Variants in CDH12 observed in about 807,000 individuals in gnomAD.
The protein encoded by CDH12 is cadherin 12.
In CDH12, 41 loss-of-function variants were observed where a neutral mutation model predicts 74.1. The observed-to-expected ratio is 0.55, with a 90% confidence interval of 0.43 to 0.72. The LOEUF (loss-of-function observed/expected upper bound fraction) is 0.72. Among genes scored for constraint, CDH12 ranks in the 30% least tolerant of loss-of-function variants. CDH12 has a pLI of 0.00. For missense variants in CDH12, 945 were observed against 977.2 expected, an observed-to-expected ratio of 0.97 and a Z score of 0.44; for synonymous variants, 399 against 355.0, an observed-to-expected ratio of 1.12 and a Z score of -1.39.
chr5:22,298,985 T>TAGAC (rs1354376091), intron 3 of CDH12, among the ~76,000 whole-genome samples: 1 of 152,236 alleles, frequency 6.6e-6, no homozygotes, highest in African/African-American at 2.4e-5. Flanking sequence ...TACTATAATC[T>TAGAC]AGACACTGTT....
rs529650421 is a variant in CDH12 at position 22,044,567 on chromosome 5, A to G, written c.231+33879T>C. ...CCCCCCATCAGGTCCATCCCTCAAC[A>G]TGTGGGGATTACAATTTGTAATGAG... On this transcript the variant is annotated intron_variant, in intron 5 of 14. Coordinates refer to ENST00000382254, the MANE Select transcript of CDH12 (RefSeq NM_004061.5). 1.5e-3 allele frequency among the ~76,000 whole-genome samples: 233 copies of G among 152,266 alleles called. 1 individual carries two copies. The highest frequency in any genetic ancestry group is 2.6e-3 in the Non-Finnish European group (176 of 68,008).
intron 3 of CDH12, among the ~76,000 whole-genome samples, chr5:22,321,898 T>C (rs867291818): frequency 9.2e-5 from 14 of 152,300 alleles, no homozygotes; most frequent in African/African-American, 2.9e-4. Context: ...AGAGGTAATT[T>C]ATGAGAGTAA....
At chr5:22,095,053 C>T (rs951841633) in intron 4 of CDH12, among the ~76,000 whole-genome samples, 4 of 152,174 alleles carry the variant, frequency 2.6e-5, no homozygotes, top group African/African-American at 9.6e-5. Flanking sequence ...TTCACACGGA[C>T]ATACATGAAA....
At chr5:22,562,217 T>A (rs1418758803) in intron 1 of CDH12, among the ~76,000 whole-genome samples, 2 of 151,718 alleles carry the variant, frequency 1.3e-5, no homozygotes, top group African/African-American at 4.8e-5. Context: ...CTTGGGAGGC[T>A]GAGGCAGGAG....
intron 4 of CDH12, among the ~76,000 whole-genome samples, chr5:22,097,771 T>C (rs1385784351): frequency 6.6e-6 from 1 of 152,048 alleles, no homozygotes; most frequent in Non-Finnish European, 1.5e-5. Context: ...CGACCGATCA[T>C]GTACCCCTTT....
intron 6 of CDH12, among the ~76,000 whole-genome samples, chr5:21,880,773 A>C (rs1247686004): frequency 2.0e-5 from 3 of 150,726 alleles, no homozygotes; most frequent in Non-Finnish European, 2.9e-5. Context: ...TGTGACGTCT[A>C]ATAGAAAGTA....
At chr5:22,244,812 G>C (rs1302830354) in intron 3 of CDH12, among the ~76,000 whole-genome samples, 2 of 148,136 alleles carry the variant, frequency 1.4e-5, no homozygotes, top group Non-Finnish European at 3.0e-5. Context: ...AAAATTCAAA[G>C]TAGGAGTGGG....
chr5:22,701,980 A>T (rs2126960683), intron 1 of CDH12, among the ~76,000 whole-genome samples: 1 of 152,262 alleles, frequency 6.6e-6, no homozygotes, highest in Non-Finnish European at 1.5e-5. Flanking sequence ...TTGATATAAC[A>T]AAAATTTATT....
At chr5:22,465,102 T>C (rs548706107) in intron 2 of CDH12, among the ~76,000 whole-genome samples, 31 of 152,140 alleles carry the variant, frequency 2.0e-4, no homozygotes, top group Middle Eastern at 3.4e-3. Flanking sequence ...AAAACATCTC[T>C]CTAGTTCTAA....
chr5:22,487,675 G>T (rs575596515), intron 2 of CDH12, among the ~76,000 whole-genome samples: 2 of 152,148 alleles, frequency 1.3e-5, no homozygotes, highest in Non-Finnish European at 2.9e-5. Flanking sequence ...AATATTCATT[G>T]CTCATTGACT....
At chr5:22,499,676 C>T (rs565912919) in intron 2 of CDH12, among the ~76,000 whole-genome samples, 198 of 152,232 alleles carry the variant, frequency 1.3e-3, no homozygotes, top group African/African-American at 4.5e-3. Flanking sequence ...GATGGTTATT[C>T]GTCCCTAGTA....
intron 1 of CDH12, among the ~76,000 whole-genome samples, chr5:22,839,964 C>A (rs865881399): frequency 1.3e-5 from 2 of 152,074 alleles, no homozygotes; most frequent in Non-Finnish European, 2.9e-5. Context: ...TTGTCAAGTG[C>A]GATTGAAACC....
chr5:22,743,260 T>TTATATATATATATA (rs71609778), intron 1 of CDH12, among the ~76,000 whole-genome samples: 1 of 90,422 alleles, frequency 1.1e-5, no homozygotes, highest in Non-Finnish European at 2.3e-5. Context: ...AGCATGGAGA[T>TTATATATATATATA]TATATATATA....
chr5:22,551,335 A>T (rs1056083757), intron 1 of CDH12, among the ~76,000 whole-genome samples: 15 of 152,172 alleles, frequency 9.9e-5, no homozygotes, highest in Non-Finnish European at 1.9e-4. Flanking sequence ...CTGAAAGAAA[A>T]CAAATGTCTG....
At chr5:22,682,657 T>TA (rs1265457909) in intron 1 of CDH12, among the ~76,000 whole-genome samples, 1 of 152,056 alleles carries the variant, frequency 6.6e-6, no homozygotes, top group East Asian at 1.9e-4. Context: ...AGCAGTCCTC[T>TA]AAAACCCTAA....
intron 11 of CDH12, among the ~76,000 whole-genome samples, chr5:21,771,756 G>A (rs1375616023): frequency 2.0e-5 from 3 of 152,076 alleles, no homozygotes; most frequent in African/African-American, 4.8e-5. Flanking sequence ...GAAAGAAAAC[G>A]ATGTACAGAA....
chr5:22,224,948 C>T (rs886326541), intron 3 of CDH12, among the ~76,000 whole-genome samples: 25 of 151,764 alleles, frequency 1.6e-4, no homozygotes, highest in African/African-American at 5.8e-4. Context: ...GTGTTTATTT[C>T]AGTTAAAAAC....
At chr5:22,634,204 T>C (rs1426282889) in intron 1 of CDH12, among the ~76,000 whole-genome samples, 1 of 152,124 alleles carries the variant, frequency 6.6e-6, no homozygotes, top group Non-Finnish European at 1.5e-5. Flanking sequence ...AAATATAGAC[T>C]ATAGACTATA....
At chr5:22,211,219 C>G (rs1177262339) in intron 4 of CDH12, among the ~76,000 whole-genome samples, 34 of 152,052 alleles carry the variant, frequency 2.2e-4, no homozygotes, top group Non-Finnish European at 4.4e-5. Flanking sequence ...TACGAGTGCT[C>G]ACTCTGAAAA....
Sources: allele counts gnomAD v4.1 joint callset (sites outside exome capture counted in the v4.1 genomes callset), GRCh38; gene constraint gnomAD v4.1.1; transcripts MANE v1.5; gene names NCBI Gene and HGNC (gene_info 2026-07-23, HGNC 2026-07-21).